The following HMCN2 variants were observed in gnomAD, a reference collection of about 807,000 sequenced individuals.
HMCN2 encodes the protein hemicentin 2.
A neutral mutation model predicts 377.5 loss-of-function variants in HMCN2; 325 were observed. That is an observed-to-expected ratio of 0.86 (90% CI 0.79 to 0.94). HMCN2 has a LOEUF of 0.94. HMCN2 is among the 40% of genes least tolerant of loss of function. The pLI is 0.00. For missense variants in HMCN2, 4,543 were observed against 4,725.3 expected (o/e 0.96, Z 1.13); for synonymous variants, 2,007 against 2,046.8 (o/e 0.98, Z 0.53).
chr9:130,373,576 G>A (rs1841165468), intron 48 of HMCN2, among the ~76,000 whole-genome samples: 1 of 113,932 alleles, frequency 8.8e-6, no homozygotes, highest in Non-Finnish European at 1.9e-5. Flanking sequence ...AGGATGGATG[G>A]ATGGATGGAT....
intron 1 of HMCN2, among the ~76,000 whole-genome samples, chr9:130,279,350 CATT>C (rs1834983940): frequency 6.6e-6 from 1 of 151,958 alleles, no homozygotes; most frequent in Non-Finnish European, 1.5e-5. Context: ...TCCTCCTCAA[CATT>C]GTTGTTTTGT....
chr9:130,403,465 A>C, intron 79 of HMCN2, 137 bp downstream of exon 79: 1 of 996,368 alleles, frequency 1.0e-6, no homozygotes, highest in Non-Finnish European at 1.3e-6. Context: ...CTGCCCAGAT[A>C]CGCCCCCACC....
At chr9:130,324,976 A>G (rs1427555203) in intron 19 of HMCN2, among the ~76,000 whole-genome samples, 6 of 123,060 alleles carry the variant, frequency 4.9e-5, no homozygotes, top group East Asian at 2.2e-4. Flanking sequence ...CATCACTGCA[A>G]TATCACCTGG....
rs1032876495 is a variant in HMCN2, at chr9:130,322,645, T to C, written c.2920+714T>C. Among the ~76,000 whole-genome samples, 240 of 152,324 alleles carry C rather than the reference T, an allele frequency of 1.6e-3. 1 individual carries two copies. The highest frequency in any genetic ancestry group is 5.1e-3 in the African/African-American group (213 of 41,570). On this transcript the variant is annotated intron_variant, in intron 19 of 97. Coordinates refer to ENST00000683500, the MANE Select transcript of HMCN2 (RefSeq NM_001291815.2). ...TGAACAGCCTCGTACCTACACATTG[T>C]AGGTGACCACGTACCTACGTGACCA...
chr9:130,304,739 C>T lies in HMCN2; in HGVS notation c.1553C>T (p.Pro518Leu), dbSNP rs563435608. The change falls in exon 11 of 98, where the codon CCG (proline) becomes CTG (leucine). Residue 518 changes from proline (P) to leucine (L), a missense_variant. Physicochemically the swap from Pro to Leu is moderately conservative, Grantham distance 98 (BLOSUM62 -3). This residue lies in a region of HMCN2 where 547 missense variants were observed against 189.9 expected (regional missense o/e 2.88). Coordinates refer to ENST00000683500, the MANE Select transcript of HMCN2 (RefSeq NM_001291815.2). This position sits in a 1 kb window ranked among gnomAD's most constrained non-coding sequence, Gnocchi z 4.3. Reference protein sequence around the residue: ...KAQIVVTDPPPQLVPAPNVTV... With the variant: ...KAQIVVTDPPLQLVPAPNVTV... Reference sequence around the variant, plus strand: ...GCTCATGTCCCTGCAGACCCCCCGCCGCAGCTGGTCCCTGCTCCCAACGTG... The same window carrying T: ...GCTCATGTCCCTGCAGACCCCCCGCTGCAGCTGGTCCCTGCTCCCAACGTG... 4.3e-6 allele frequency: 2 copies of T among 463,888 alleles called. No individual in the cohort carries two copies. The highest frequency in any genetic ancestry group is 7.1e-5 in the East Asian group (1 of 14,174). 28.7% of individuals were successfully genotyped at this position (463,888 alleles called of 1,614,324 possible).
chr9:130,285,732 G>A (rs782083982), intron 3 of HMCN2, among the ~76,000 whole-genome samples: 6 of 152,192 alleles, frequency 3.9e-5, no homozygotes, highest in Non-Finnish European at 8.8e-5. Context: ...TGCAGTGAGG[G>A]CTGGGAGAGG....
chr9:130,285,436 A>G (rs925297145), intron 3 of HMCN2, 120 bp downstream of exon 3: 2 of 392,136 alleles, frequency 5.1e-6, no homozygotes, highest in South Asian at 3.7e-5. Flanking sequence ...TCTCTTCCAC[A>G]GCCTTGGGTC....
chr9:130,356,621 T>C (rs188458834), intron 34 of HMCN2, among the ~76,000 whole-genome samples: 61 of 152,384 alleles, frequency 4.0e-4, no homozygotes, highest in Non-Finnish European at 7.5e-4. Flanking sequence ...CCTAGCTCCT[T>C]ATCTTTCAGG....
At chr9:130,431,188 C>G in intron 95 of HMCN2, 179 bp from the exon 96 acceptor site, 1 of 647,538 alleles carries the variant, frequency 1.5e-6, no homozygotes, top group Non-Finnish European at 2.6e-6. Context: ...GCTCCTCCCT[C>G]TCAGCAAGCA....
In HMCN2 at chr9:130,392,191, G is replaced by T. The variant is rs572720395; in HGVS notation, c.10136+73G>T. 2.5e-5 allele frequency: 24 copies of T among 965,018 alleles called. No homozygotes were observed. In the African/African-American group the frequency reaches 4.2e-4, roughly 17 times the overall value. 59.8% of individuals were successfully genotyped at this position (965,018 alleles called of 1,614,324 possible). On this transcript the variant is annotated intron_variant, in intron 66 of 97. Coordinates refer to ENST00000683500, the MANE Select transcript of HMCN2 (RefSeq NM_001291815.2). Reference sequence around the variant, plus strand: ...ATGTGGGGATTGTCAGCAAATGGGAGGTGCTGGAAGCCAGGACTGGCTGCA... The same window carrying T: ...ATGTGGGGATTGTCAGCAAATGGGATGTGCTGGAAGCCAGGACTGGCTGCA...
Position 130,410,656 on chromosome 9 carries a change from AGTCTCGGCCTCAGCAGAGTGG to A in HMCN2, c.12961+6_12961+26del. On this transcript the variant is annotated splice_donor_5th_base_variant and intron_variant, in intron 85 of 97. Transcript: ENST00000683500. The stretch of plus-strand genomic sequence containing the variant: ...GTGGTGATCCTCGTCCTGCAGAGTG[AGTCTCGGCCTCAGCAGAGTGG>A]GGACGTGGGAAGTGTGCTCGGGGAC... The A allele has an allele frequency of 6.4e-7, 1 of 1,550,438 alleles. No homozygotes were observed.
At chr9:130,391,715 G>A in intron 65 of HMCN2, 141 bp downstream of exon 65, 1 of 805,740 alleles carries the variant, frequency 1.2e-6, no homozygotes, top group Non-Finnish European at 1.5e-6. Flanking sequence ...TCAAACTAGA[G>A]GACAATAGTG....
intron 22 of HMCN2, among the ~76,000 whole-genome samples, chr9:130,335,519 G>A (rs1462603954): frequency 2.6e-5 from 4 of 152,090 alleles, no homozygotes; most frequent in African/African-American, 4.8e-5. Flanking sequence ...TGAAGACTGC[G>A]GAGAGGTCCC....
rs1320376037 is a variant in HMCN2, at chr9:130,360,638, C to T, written c.5950+34C>T. 1 of 1,239,910 alleles carries T rather than the reference C, an allele frequency of 8.1e-7. No homozygotes were observed. The highest frequency in any genetic ancestry group is 1.6e-5 in the African/African-American group (1 of 63,590). 76.8% of individuals were successfully genotyped at this position (1,239,910 alleles called of 1,614,324 possible). On this transcript the variant is annotated intron_variant, in intron 38 of 97. Transcript: ENST00000683500. The surrounding 1 kb of genome is among the most constrained non-coding windows in gnomAD (Gnocchi z 4.7). ...CCCTGGGCCTACAAGGTCCCTTGTC[C>T]AAAAAGTTGTCTTTTCATTCATTTG...
rs933250785 is a variant in HMCN2, at chr9:130,340,735, C to G, written c.3488-376C>G. Reference sequence around the variant, plus strand: ...GTTTCGCCATGTTGGCTGGGCTGGTCTCAAACGCCTGACATCAGGCAATCT... The same window carrying G: ...GTTTCGCCATGTTGGCTGGGCTGGTGTCAAACGCCTGACATCAGGCAATCT... On this transcript the variant is annotated intron_variant, in intron 23 of 97. Coordinates refer to ENST00000683500, the MANE Select transcript of HMCN2 (RefSeq NM_001291815.2). Among the ~76,000 whole-genome samples, 7 of 152,296 alleles carry G rather than the reference C, an allele frequency of 4.6e-5. No homozygotes were observed. In the South Asian group the frequency reaches 1.5e-3, roughly 32 times the overall value.
At chr9:130,338,474 G>A (rs1323567632) in intron 23 of HMCN2, 4 of 152,316 alleles carry the variant, frequency 2.6e-5, no homozygotes, top group African/African-American at 7.2e-5. Flanking sequence ...GCCCCCAAGA[G>A]GCCCTTCTGA....
At position 130,393,094 on chromosome 9, in the gene HMCN2, T is replaced by C; in HGVS notation, c.10137-118T>C. ...CCAGCAAGCTCTTGGGAGACAAAGG[T>C]TGGAAAAGGGAGGAAGTCTTTCCAC... On this transcript the variant is annotated intron_variant, in intron 66 of 97. Transcript: ENST00000683500. This position sits in a 1 kb window ranked among gnomAD's most constrained non-coding sequence, Gnocchi z 5.2. 1 of 567,558 alleles carries C rather than the reference T, an allele frequency of 1.8e-6. No homozygotes were observed. Among genetic ancestry groups the C allele is most frequent in the Non-Finnish European group, 2.2e-6 (1 of 447,580 alleles). The allele number at this position is 567,558 out of a possible 1,614,324, so 35.2% of individuals were successfully genotyped here.
At position 130,395,773 on chromosome 9, in the gene HMCN2, C is replaced by T. The variant is rs572692645; in HGVS notation, c.10912-151C>T. Among the ~76,000 whole-genome samples, 12 of 152,278 alleles carry T rather than the reference C, an allele frequency of 7.9e-5. No homozygotes were observed. In the South Asian group the frequency reaches 2.3e-3, roughly 29 times the overall value. On this transcript the variant is annotated intron_variant, in intron 71 of 97. Transcript: ENST00000683500. ...GGAGTGCATTTCCTTAGAGGGTCCT[C>T]GGCGGGGCACAGTCAGGGCCTGCGG...
In HMCN2 at chr9:130,419,261, C is replaced by T. The variant is rs557866114; in HGVS notation, c.13231+220C>T. The T allele has an allele frequency of 5.1e-5, 23 of 451,484 alleles. 1 individual carries two copies. In the South Asian group the frequency reaches 1.6e-3, roughly 31 times the overall value. The allele number at this position is 451,484 out of a possible 1,614,324, so 28.0% of individuals were successfully genotyped here. On this transcript the variant is annotated intron_variant, in intron 86 of 97. Transcript: ENST00000683500. ...TTTGCTGCTCATCTTGGACAGGGAA[C>T]ACAGGTTGTTCCTGCTTAACTGGCA...
Sources: allele counts gnomAD v4.1 joint callset (sites outside exome capture counted in the v4.1 genomes callset), GRCh38; gene constraint gnomAD v4.1.1; regional missense constraint gnomAD v4.1.1; non-coding constraint Gnocchi (gnomAD v3.1); transcripts MANE v1.5; gene names NCBI Gene and HGNC (gene_info 2026-07-23, HGNC 2026-07-21).